PDE1A: variants seen among roughly 807,000 people sequenced by gnomAD.
The protein encoded by PDE1A is dual specificity calcium/calmodulin-dependent 3',5'-cyclic nucleotide phosphodiesterase 1A.
Under a neutral mutation model 61.7 loss-of-function variants are expected in PDE1A, and 35 were observed. That is an observed-to-expected ratio of 0.57 (90% CI 0.43 to 0.75). PDE1A has a LOEUF of 0.75. PDE1A is among the 30% of genes least tolerant of loss of function. The pLI is 0.00. For missense variants in PDE1A, 597 were observed against 630.6 expected, an observed-to-expected ratio of 0.95 and a Z score of 0.57; for synonymous variants, 232 against 213.2, an observed-to-expected ratio of 1.09 and a Z score of -0.77.
At chr2:182,288,265 C>T (rs1694297037) in intron 1 of PDE1A, among the ~76,000 whole-genome samples, 4 of 152,066 alleles carry the variant, frequency 2.6e-5, no homozygotes, top group Admixed American at 1.3e-4. Flanking sequence ...TGAACTTAGG[C>T]AAGTGAGGCC....
At chr2:182,237,472 C>T (rs1160086753) in intron 3 of PDE1A, among the ~76,000 whole-genome samples, 4 of 152,072 alleles carry the variant, frequency 2.6e-5, no homozygotes, top group Admixed American at 2.0e-4. Context: ...AGCCAGACTC[C>T]GTCTCAAAGA....
the PDE1A span, among the ~76,000 whole-genome samples, chr2:182,572,079 T>C: frequency 6.6e-6 from 1 of 152,164 alleles, no homozygotes; most frequent in African/African-American, 2.4e-5. Context: ...TTTGGGTGGT[T>C]TTATGTCTCT....
intron 2 of PDE1A, among the ~76,000 whole-genome samples, chr2:182,466,918 C>A (rs1016151870): frequency 6.6e-6 from 1 of 151,892 alleles, no homozygotes; most frequent in African/African-American, 2.4e-5. Flanking sequence ...TGAATAGAAG[C>A]CTAGAGAAAA....
chr2:182,666,134 T>C, the PDE1A span, among the ~76,000 whole-genome samples: 1 of 152,244 alleles, frequency 6.6e-6, no homozygotes, highest in African/African-American at 2.4e-5. Flanking sequence ...GATGGGTTGA[T>C]AGGTGCAGCA....
At chr2:182,669,580 A>C in the PDE1A span, among the ~76,000 whole-genome samples, 2 of 152,108 alleles carry the variant, frequency 1.3e-5, no homozygotes, top group African/African-American at 4.8e-5. Flanking sequence ...TAAGCATGTT[A>C]TTTCTTTCCC....
intron 1 of PDE1A, among the ~76,000 whole-genome samples, chr2:182,293,818 C>A (rs931498609): frequency 6.6e-6 from 1 of 152,010 alleles, no homozygotes; most frequent in African/African-American, 2.4e-5. Context: ...TATGATGATG[C>A]GAGATGATAA....
At chr2:182,476,909 A>AAAAAT (rs71008223) in intron 2 of PDE1A, among the ~76,000 whole-genome samples, 3 of 150,684 alleles carry the variant, frequency 2.0e-5, no homozygotes, top group African/African-American at 7.3e-5. Flanking sequence ...AAAAAAAAAA[A>AAAAAT]CTCTGAGCTT....
At chr2:182,276,799 C>G (rs1323298564) in intron 1 of PDE1A, among the ~76,000 whole-genome samples, 1 of 151,884 alleles carries the variant, frequency 6.6e-6, no homozygotes, top group Non-Finnish European at 1.5e-5. Context: ...ATAATTAAGA[C>G]CCTGGGAAAG....
the PDE1A span, among the ~76,000 whole-genome samples, chr2:182,578,409 T>C: frequency 0.82 from 124,871 of 152,100 alleles, 51,534 homozygotes; most frequent in East Asian, 0.99. Context: ...CTTCTAACAT[T>C]AAAAAGGCAA....
the PDE1A span, among the ~76,000 whole-genome samples, chr2:182,542,953 A>C: frequency 2.0e-5 from 3 of 152,180 alleles, no homozygotes; most frequent in South Asian, 6.2e-4. Flanking sequence ...ATTTATAAGC[A>C]TTATCATTGA....
At chr2:182,199,312 G>A (rs1393748183) in intron 10 of PDE1A, among the ~76,000 whole-genome samples, 2 of 151,684 alleles carry the variant, frequency 1.3e-5, no homozygotes, top group African/African-American at 4.8e-5. Context: ...CTGTTTCACT[G>A]TTTTTGGCTT....
chr2:182,677,737 C>A, the PDE1A span, among the ~76,000 whole-genome samples: 1 of 152,176 alleles, frequency 6.6e-6, no homozygotes, highest in East Asian at 1.9e-4. Flanking sequence ...ACCATCTGAT[C>A]TTTGACAAAG....
At chr2:182,671,168 G>C in the PDE1A span, among the ~76,000 whole-genome samples, 1 of 150,226 alleles carries the variant, frequency 6.7e-6, no homozygotes, top group East Asian at 2.0e-4. Context: ...CAAGTCTATG[G>C]ATCACACTTT....
chr2:182,714,541 C>T, the PDE1A span, among the ~76,000 whole-genome samples: 1 of 152,082 alleles, frequency 6.6e-6, no homozygotes, highest in African/African-American at 2.4e-5. Context: ...CCTTTATCTC[C>T]CATATCCAAC....
the PDE1A span, among the ~76,000 whole-genome samples, chr2:182,546,775 T>C: frequency 3.0e-4 from 45 of 152,286 alleles, no homozygotes; most frequent in East Asian, 8.5e-3. Flanking sequence ...TTCACCTAAA[T>C]GAAACATTTT....
chr2:182,464,078 C>T (rs1686489346), intron 2 of PDE1A, among the ~76,000 whole-genome samples: 1 of 152,108 alleles, frequency 6.6e-6, no homozygotes, highest in Admixed American at 6.5e-5. Context: ...AAAGCTCTCT[C>T]CCCCATCCTG....
At chr2:182,355,629 T>C (rs1699133573) in intron 1 of PDE1A, among the ~76,000 whole-genome samples, 1 of 152,088 alleles carries the variant, frequency 6.6e-6, no homozygotes, top group African/African-American at 2.4e-5. Flanking sequence ...TATCCATTAA[T>C]ATAAAAATTA....
chr2:182,321,528 C>T (rs1284786300), intron 1 of PDE1A, among the ~76,000 whole-genome samples: 2 of 152,036 alleles, frequency 1.3e-5, no homozygotes, highest in Non-Finnish European at 2.9e-5. Flanking sequence ...AAAATACAAT[C>T]GGTATCCTCC....
chr2:182,694,438 A>G, the PDE1A span, among the ~76,000 whole-genome samples: 8 of 152,340 alleles, frequency 5.3e-5, no homozygotes, highest in South Asian at 1.0e-3. Context: ...AACACTGAGC[A>G]TCGGGAATCC....
Sources: gnomAD v4.1 joint callset for allele counts (sites outside exome capture counted in the v4.1 genomes callset) on GRCh38, gnomAD v4.1.1 for gene constraint, MANE v1.5 for transcripts, NCBI Gene and HGNC (gene_info 2026-07-23, HGNC 2026-07-21) for gene names.